Variants in R3HDM2 observed in about 807,000 individuals in gnomAD.
The protein encoded by R3HDM2 is R3H domain-containing protein 2.
Under a neutral mutation model 124.5 loss-of-function variants are expected in R3HDM2, and 38 were observed. The ratio of observed to expected loss-of-function variants is 0.31; its 90% CI spans 0.24 to 0.40. The LOEUF (loss-of-function observed/expected upper bound fraction) is 0.40, where lower values mean the gene tolerates loss of function less well. Among genes scored for constraint, R3HDM2 ranks in the 10% least tolerant of loss-of-function variants. R3HDM2 has a pLI of 1.00. For missense variants in R3HDM2, 869 were observed against 1,236.9 expected, an observed-to-expected ratio of 0.70 and a Z score of 4.46; for synonymous variants, 391 against 448.0, an observed-to-expected ratio of 0.87 and a Z score of 1.61.
intron 6 of R3HDM2, among the ~76,000 whole-genome samples, chr12:57,299,033 A>G (rs1216612003): frequency 1.3e-5 from 2 of 152,218 alleles, no homozygotes; most frequent in Non-Finnish European, 2.9e-5. Flanking sequence ...CAAAATATAA[A>G]TGGCATCTGG....
At chr12:57,422,093 C>CAA (rs35439340) in intron 1 of R3HDM2, among the ~76,000 whole-genome samples, 161 of 74,294 alleles carry the variant, frequency 2.2e-3, no homozygotes, top group East Asian at 4.1e-3. Flanking sequence ...CTCCGCCTAG[C>CAA]AAAAAAAAAA....
chr12:57,254,501 CAAAAAAAAA>C lies in R3HDM2; in HGVS notation c.*263_*271del, dbSNP rs67514723. 3.0e-5 allele frequency: 3 copies of C among 98,948 alleles called. No individual in the cohort carries two copies. The highest frequency in any genetic ancestry group is 3.3e-4 in the South Asian group (2 of 6,080). 6.1% of individuals were successfully genotyped at this position (98,948 alleles called of 1,614,324 possible). A position where few individuals can be genotyped will look rare whatever the true frequency, so the allele number is the denominator to read the frequency against. ...GGGTGACAAGAGCGAAACTCCGTCT[CAAAAAAAAA>C]AAAAAAAAAAAAAAGAAGAGGATGG... On this transcript the variant is annotated 3_prime_UTR_variant, in exon 24 of 24. Coordinates refer to ENST00000402412, the MANE Select transcript of R3HDM2 (RefSeq NM_001394031.1).
chr12:57,299,365 C>G lies in R3HDM2; in HGVS notation c.408G>C (p.Lys136Asn). 6.5e-7 allele frequency: 1 copy of G among 1,549,772 alleles called. No homozygotes were observed. The highest frequency in any genetic ancestry group is 8.7e-7 in the Non-Finnish European group (1 of 1,144,850). The change falls in exon 6 of 24, where the codon AAG becomes AAC. Residue 136 changes from lysine (K) to asparagine (N), a missense_variant. By Grantham distance (94) the Lys-to-Asn change is moderately conservative. Around this residue, in one of 2 missense-constraint regions of R3HDM2, gnomAD observed 267 missense variants for 447.7 expected, o/e 0.60. Coordinates refer to ENST00000402412, the MANE Select transcript of R3HDM2 (RefSeq NM_001394031.1). ...KDKNKEKIPR[K>N]MLSRDSSQEY... ...AAAACTCCTTACCTCTGGACAGCAT[C>G]TTCCTTGGGATCTTTTCTTTGTTTT...
chr12:57,395,193 A>C (rs942208421), intron 2 of R3HDM2, among the ~76,000 whole-genome samples: 2 of 148,842 alleles, frequency 1.3e-5, no homozygotes, highest in Admixed American at 1.4e-4. Flanking sequence ...ACAGGGCAAG[A>C]CTCCGTTTCA....
chr12:57,375,519 C>T (rs868468859), intron 2 of R3HDM2, among the ~76,000 whole-genome samples: 31 of 152,108 alleles, frequency 2.0e-4, no homozygotes, highest in African/African-American at 6.8e-4. Flanking sequence ...TGTGCAAAGA[C>T]CAGAACAGAA....
At chr12:57,337,929 T>C (rs1240143535) in intron 2 of R3HDM2, among the ~76,000 whole-genome samples, 1 of 152,270 alleles carries the variant, frequency 6.6e-6, no homozygotes, top group East Asian at 1.9e-4. Flanking sequence ...AATTTTCATC[T>C]GTCAGATATG....
intron 14 of R3HDM2, among the ~76,000 whole-genome samples, chr12:57,273,898 A>ATCCT (rs2044127937): frequency 6.6e-6 from 1 of 152,218 alleles, no homozygotes; most frequent in Non-Finnish European, 1.5e-5. Context: ...AAAGAGGAGA[A>ATCCT]TACTCTGGAG....
At chr12:57,429,740 G>C (rs1490132047) in intron 1 of R3HDM2, among the ~76,000 whole-genome samples, 1 of 121,244 alleles carries the variant, frequency 8.2e-6, no homozygotes. Context: ...CTTTTGTCTT[G>C]ATACCCCAGC....
chr12:57,367,996 TCAG>T (rs1177703383), intron 2 of R3HDM2, among the ~76,000 whole-genome samples: 2 of 152,060 alleles, frequency 1.3e-5, no homozygotes, highest in African/African-American at 2.4e-5. Context: ...TGGGTCTGAT[TCAG>T]TTGTTTCTGT....
chr12:57,394,254 G>C (rs552838509), intron 2 of R3HDM2, among the ~76,000 whole-genome samples: 1 of 151,528 alleles, frequency 6.6e-6, no homozygotes, highest in African/African-American at 2.4e-5. Flanking sequence ...CCGAGATCGC[G>C]CCACTGCACT....
intron 12 of R3HDM2, among the ~76,000 whole-genome samples, chr12:57,284,935 G>C (rs1325169076): frequency 2.0e-5 from 3 of 152,144 alleles, no homozygotes; most frequent in African/African-American, 7.2e-5. Context: ...AGATAGCCAG[G>C]TTGGCCTGAA....
intron 2 of R3HDM2, among the ~76,000 whole-genome samples, chr12:57,327,871 G>C (rs1195717144): frequency 6.6e-6 from 1 of 152,196 alleles, no homozygotes; most frequent in African/African-American, 2.4e-5. Flanking sequence ...TCTTGGTGAA[G>C]ATGCTGTGGA....
At chr12:57,418,464 T>G (rs1408351120) in intron 1 of R3HDM2, 1 of 332,900 alleles carries the variant, frequency 3.0e-6, no homozygotes, top group Non-Finnish European at 4.3e-6. Context: ...TTGATGGACA[T>G]GTAGTGACAG....
chr12:57,329,528 G>C (rs1318833648), intron 2 of R3HDM2, among the ~76,000 whole-genome samples: 1 of 152,182 alleles, frequency 6.6e-6, no homozygotes, highest in Non-Finnish European at 1.5e-5. Flanking sequence ...GTGAATACTA[G>C]TTCCCCCTAA....
chr12:57,307,030 GAC>G (rs2052769186), intron 3 of R3HDM2, among the ~76,000 whole-genome samples: 1 of 152,034 alleles, frequency 6.6e-6, no homozygotes, highest in Non-Finnish European at 1.5e-5. Flanking sequence ...AAAAAAAAAG[GAC>G]ACACCTAAAT....
chr12:57,320,075 A>AG (rs2056073723), intron 2 of R3HDM2, among the ~76,000 whole-genome samples: 1 of 151,852 alleles, frequency 6.6e-6, no homozygotes, highest in Non-Finnish European at 1.5e-5. Flanking sequence ...CCTGGCCAAC[A>AG]CGGTGAAACC....
chr12:57,372,007 G>A (rs1465265840), intron 2 of R3HDM2, among the ~76,000 whole-genome samples: 1 of 152,112 alleles, frequency 6.6e-6, no homozygotes, highest in Non-Finnish European at 1.5e-5. Context: ...AGGTGGGATT[G>A]CAGGCATGCA....
chr12:57,299,703 C>T (rs2050685455), intron 5 of R3HDM2, among the ~76,000 whole-genome samples: 1 of 152,114 alleles, frequency 6.6e-6, no homozygotes, highest in South Asian at 2.1e-4. Flanking sequence ...ATTACACAGG[C>T]CGTTCTTGGC....
intron 2 of R3HDM2, among the ~76,000 whole-genome samples, chr12:57,316,186 G>A (rs2054981871): frequency 2.0e-5 from 3 of 152,310 alleles, no homozygotes; most frequent in East Asian, 1.9e-4. Flanking sequence ...GAAAAATGAA[G>A]CAGCAGAGGA....
Sources: allele counts gnomAD v4.1 joint callset (sites outside exome capture counted in the v4.1 genomes callset), GRCh38; gene constraint gnomAD v4.1.1; regional missense constraint gnomAD v4.1.1; transcripts MANE v1.5; gene names NCBI Gene and HGNC (gene_info 2026-07-23, HGNC 2026-07-21).